SUGCT: variants seen among roughly 807,000 people sequenced by gnomAD.
SUGCT encodes the protein succinyl-CoA:glutarate-CoA transferase.
A neutral mutation model predicts 55.0 loss-of-function variants in SUGCT; 41 were observed. The ratio of observed to expected loss-of-function variants is 0.74; its 90% CI spans 0.58 to 0.97. The LOEUF is 0.97. SUGCT is among the 50% of genes least tolerant of loss of function. SUGCT has a pLI of 0.00. For missense variants in SUGCT, 568 were observed against 547.8 expected (o/e 1.04, Z -0.37); for synonymous variants, 187 against 200.4 (o/e 0.93, Z 0.56).
intron 11 of SUGCT, among the ~76,000 whole-genome samples, chr7:40,483,641 A>G (rs1791178340): frequency 6.6e-6 from 1 of 152,048 alleles, no homozygotes; most frequent in Non-Finnish European, 1.5e-5. Context: ...CTGATAAAGG[A>G]TTTATTTCTA....
At chr7:40,318,050 A>C (rs1357512373) in intron 9 of SUGCT, among the ~76,000 whole-genome samples, 1 of 152,152 alleles carries the variant, frequency 6.6e-6, no homozygotes, top group African/African-American at 2.4e-5. Context: ...GACTGACCCT[A>C]TACTTCTAAC....
chr7:40,176,712 C>A (rs1187341100), intron 1 of SUGCT, among the ~76,000 whole-genome samples: 1 of 151,844 alleles, frequency 6.6e-6, no homozygotes, highest in African/African-American at 2.4e-5. Context: ...GTGCCTCATG[C>A]CTGTAATCCC....
chr7:40,895,669 CATT>C, the SUGCT span, among the ~76,000 whole-genome samples: 1 of 152,012 alleles, frequency 6.6e-6, no homozygotes, highest in Non-Finnish European at 1.5e-5. Context: ...AACCTCAACA[CATT>C]AGACATAAAA....
intron 12 of SUGCT, among the ~76,000 whole-genome samples, chr7:40,724,250 C>T (rs1237211343): frequency 6.6e-6 from 1 of 152,146 alleles, no homozygotes; most frequent in African/African-American, 2.4e-5. Flanking sequence ...TGACCATTGC[C>T]ACATCTGACC....
chr7:40,627,693 G>T (rs1799586611), intron 12 of SUGCT, among the ~76,000 whole-genome samples: 1 of 152,204 alleles, frequency 6.6e-6, no homozygotes, highest in Non-Finnish European at 1.5e-5. Flanking sequence ...AAAAGGTGGG[G>T]GTTTGCAAAG....
At chr7:40,437,406 G>C (rs1278756625) in intron 9 of SUGCT, among the ~76,000 whole-genome samples, 1 of 152,152 alleles carries the variant, frequency 6.6e-6, no homozygotes, top group Non-Finnish European at 1.5e-5. Flanking sequence ...TTGCTTTCAA[G>C]GTTACTCTAG....
At chr7:40,981,163 C>A in the SUGCT span, among the ~76,000 whole-genome samples, 1 of 152,246 alleles carries the variant, frequency 6.6e-6, no homozygotes, top group African/African-American at 2.4e-5. Context: ...GTGGAGGCAG[C>A]CTTGCACCCC....
intron 1 of SUGCT, among the ~76,000 whole-genome samples, chr7:40,148,077 G>A (rs1379532968): frequency 6.6e-6 from 1 of 151,764 alleles, no homozygotes; most frequent in Non-Finnish European, 1.5e-5. Context: ...AATTTAAAGA[G>A]ACTGACAGGG....
At chr7:40,438,882 G>T (rs1788316795) in intron 9 of SUGCT, among the ~76,000 whole-genome samples, 1 of 151,314 alleles carries the variant, frequency 6.6e-6, no homozygotes. Context: ...AGGCCTGGGA[G>T]TCAAGACCTA....
intron 12 of SUGCT, among the ~76,000 whole-genome samples, chr7:40,516,320 C>T (rs1316089488): frequency 6.6e-6 from 1 of 152,090 alleles, no homozygotes; most frequent in Non-Finnish European, 1.5e-5. Context: ...TATTCTTTGA[C>T]ACACAAAAGT....
At chr7:40,940,963 A>G in the SUGCT span, among the ~76,000 whole-genome samples, 3 of 152,054 alleles carry the variant, frequency 2.0e-5, no homozygotes. Flanking sequence ...TCTTAGGGGA[A>G]ATGCCTTTGA....
At chr7:40,451,146 A>G (rs1789169910) in intron 10 of SUGCT, among the ~76,000 whole-genome samples, 1 of 152,178 alleles carries the variant, frequency 6.6e-6, no homozygotes, top group Non-Finnish European at 1.5e-5. Context: ...CTCTAACTGC[A>G]GAGATGTATA....
At chr7:40,412,725 G>A (rs995652873) in intron 9 of SUGCT, among the ~76,000 whole-genome samples, 6 of 151,878 alleles carry the variant, frequency 4.0e-5, no homozygotes, top group Non-Finnish European at 8.8e-5. Flanking sequence ...AAGTTTTATT[G>A]TAATTTTAGA....
At chr7:40,836,468 TTG>T (rs563184958) in intron 13 of SUGCT, among the ~76,000 whole-genome samples, 144 of 152,288 alleles carry the variant, frequency 9.5e-4, no homozygotes, top group African/African-American at 3.4e-3. Context: ...ATGCGACTCA[TTG>T]TGTGGTGAGC....
chr7:40,940,976 T>C, the SUGCT span, among the ~76,000 whole-genome samples: 1 of 152,150 alleles, frequency 6.6e-6, no homozygotes, highest in East Asian at 1.9e-4. Flanking sequence ...GCCTTTGACT[T>C]TTCCCTATTT....
intron 9 of SUGCT, among the ~76,000 whole-genome samples, chr7:40,383,320 G>C (rs1471751761): frequency 6.6e-6 from 1 of 152,154 alleles, no homozygotes; most frequent in Admixed American, 6.5e-5. Flanking sequence ...TCGATTTTAA[G>C]TAACTTGCCT....
chr7:40,322,439 C>T (rs1057153899), intron 9 of SUGCT, among the ~76,000 whole-genome samples: 1 of 152,114 alleles, frequency 6.6e-6, no homozygotes, highest in Admixed American at 6.6e-5. Flanking sequence ...GAATCCCTTC[C>T]CAAGGGGCAA....
chr7:40,892,982 T>C, the SUGCT span, among the ~76,000 whole-genome samples: 2 of 152,164 alleles, frequency 1.3e-5, no homozygotes, highest in South Asian at 2.1e-4. Flanking sequence ...AAAAGATATT[T>C]TGTGCAAATA....
intron 8 of SUGCT, among the ~76,000 whole-genome samples, chr7:40,309,517 A>T (rs978877159): frequency 1.3e-5 from 2 of 152,130 alleles, no homozygotes; most frequent in Non-Finnish European, 2.9e-5. Context: ...CTGGTCTTGA[A>T]TTCCTGACCT....
Sources: allele counts gnomAD v4.1 joint callset (sites outside exome capture counted in the v4.1 genomes callset), GRCh38; gene constraint gnomAD v4.1.1; transcripts MANE v1.5; gene names NCBI Gene and HGNC (gene_info 2026-07-23, HGNC 2026-07-21).